The following TRAM1 variants were observed in gnomAD, a reference collection of about 807,000 sequenced individuals.
TRAM1 encodes the protein translocating chain-associated membrane protein 1.
TRAM1 carries 17 observed loss-of-function variants against 48.7 expected under a neutral mutation model. That is an observed-to-expected ratio of 0.35 (90% CI 0.24 to 0.52). TRAM1 has a LOEUF of 0.52. Among genes scored for constraint, TRAM1 ranks in the 20% least tolerant of loss-of-function variants. The probability of loss-of-function intolerance (pLI) is 0.94; values close to 1 mark genes in which losing one functional copy is unlikely to be tolerated. For synonymous variants in TRAM1, 182 were observed against 154.0 expected, an observed-to-expected ratio of 1.18 and a Z score of -1.34; for missense variants, 351 against 441.5, an observed-to-expected ratio of 0.79 and a Z score of 1.84.
chr8:70,605,026 A>C (rs1817690109), intron 1 of TRAM1, among the ~76,000 whole-genome samples: 1 of 152,222 alleles, frequency 6.6e-6, no homozygotes. Context: ...TTTTTGATTA[A>C]TGTGAAGTTC....
chr8:70,581,422 A>G (rs1346506413), intron 10 of TRAM1, among the ~76,000 whole-genome samples: 7 of 152,240 alleles, frequency 4.6e-5, no homozygotes, highest in Non-Finnish European at 2.9e-5. Context: ...TTTTCTTAAA[A>G]ATGATTTTTG....
At chr8:70,607,150 T>C (rs1220495804) in intron 1 of TRAM1, 3 of 985,128 alleles carry the variant, frequency 3.0e-6, no homozygotes, top group African/African-American at 3.5e-5. Context: ...AGCGTGTGTA[T>C]TGGGGAGCGA....
At chr8:70,597,668 CAAAAAAAAAA>C (rs35449323) in intron 4 of TRAM1, among the ~76,000 whole-genome samples, 2 of 35,986 alleles carry the variant, frequency 5.6e-5, no homozygotes, top group African/African-American at 2.3e-4. Context: ...GACTCTGTCT[CAAAAAAAAAA>C]AAAAAAAAAA....
chr8:70,600,475 G>T (rs1236792410), intron 1 of TRAM1, among the ~76,000 whole-genome samples: 1 of 152,166 alleles, frequency 6.6e-6, no homozygotes, highest in Non-Finnish European at 1.5e-5. Flanking sequence ...GAGAAAAGCA[G>T]ATCAAATATA....
chr8:70,575,815 G>A (rs1052531528), intron 10 of TRAM1, among the ~76,000 whole-genome samples: 30 of 151,900 alleles, frequency 2.0e-4, no homozygotes, highest in Non-Finnish European at 1.9e-4. Flanking sequence ...GGTGGCTCAC[G>A]CCTGTAATCC....
Position 70,587,414 on chromosome 8 carries a change from C to T in TRAM1, c.571-238G>A, listed in dbSNP as rs995873833. 88 of 450,220 alleles carry T rather than the reference C, an allele frequency of 2.0e-4. 2 individuals are homozygous for T. In the South Asian group the frequency reaches 2.5e-3, roughly 13 times the overall value. 27.9% of individuals were successfully genotyped at this position (450,220 alleles called of 1,614,324 possible). ...AGTAGGAGATCTGAAAGCTATTCTG[C>T]TCCCACCCCACCGCAATCTCTCATC... On this transcript the variant is annotated intron_variant, in intron 6 of 10. Coordinates refer to ENST00000262213, the MANE Select transcript of TRAM1 (RefSeq NM_014294.6).
chr8:70,608,189 C>T lies in TRAM1; in HGVS notation c.11G>A (p.Arg4His), dbSNP rs772102592. MAI[R>H]KKSTKSPPVL... Reference sequence around the variant, plus strand: ...TGGGGGGCTCTTGGTGCTTTTCTTGCGAATCGCCATGGTGGGGCCGCCGCC... The same window carrying T: ...TGGGGGGCTCTTGGTGCTTTTCTTGTGAATCGCCATGGTGGGGCCGCCGCC... The change falls in exon 1 of 11, where the codon CGC (arginine) becomes CAC (histidine). Residue 4 changes from arginine (R) to histidine (H), a missense_variant. Physicochemically the swap from Arg to His is conservative, Grantham distance 29. Transcript: ENST00000262213. 1 of 1,588,422 alleles carries T rather than the reference C, an allele frequency of 6.3e-7. No individual in the cohort carries two copies. The highest frequency in any genetic ancestry group is 1.1e-5 in the South Asian group (1 of 88,800).
At position 70,608,155 on chromosome 8, in the gene TRAM1, G is replaced by A. The variant is rs1817793071; in HGVS notation, c.45C>T (p.Ser15=). The A allele has an allele frequency of 3.8e-6, 6 of 1,599,252 alleles. No individual in the cohort carries two copies. The highest frequency in any genetic ancestry group is 2.7e-5 in the African/African-American group (2 of 72,980). ...CGTGATTCTGCAGGACGAATTCGTG[G>A]CTCAGCACTGGGGGGCTCTTGGTGC... ...KKSTKSPPVL[S]HEFVLQNHAD... The change falls in exon 1 of 11, where the codon AGC becomes AGT. Residue 15 remains serine, a synonymous_variant. Coordinates refer to ENST00000262213, the MANE Select transcript of TRAM1 (RefSeq NM_014294.6).
At chr8:70,576,067 T>C (rs1167879294) in intron 10 of TRAM1, among the ~76,000 whole-genome samples, 1 of 75,446 alleles carries the variant, frequency 1.3e-5, no homozygotes, top group Non-Finnish European at 2.6e-5. Flanking sequence ...CTAGACTCCA[T>C]CTAAAAAAAA....
rs533485758 is a variant in TRAM1, at chr8:70,602,425, G to A, written c.124-2343C>T. ...CACACAGGATAGAAAGAGAATAACGGATGGAGGCATATGACAGGGAACAAA... is the reference window on the plus strand; with the variant it reads ...CACACAGGATAGAAAGAGAATAACGAATGGAGGCATATGACAGGGAACAAA... On this transcript the variant is annotated intron_variant, in intron 1 of 10. Transcript: ENST00000262213. Among the ~76,000 whole-genome samples the A allele has an allele frequency of 2.0e-5, 3 of 152,322 alleles. No individual in the cohort carries two copies. In the South Asian group the frequency reaches 6.2e-4, roughly 32 times the overall value.
Position 70,587,113 on chromosome 8 carries a change from G to C in TRAM1, c.634C>G (p.Leu212Val), listed in dbSNP as rs777432383. 6.2e-7 allele frequency: 1 copy of C among 1,613,892 alleles called. No homozygotes were observed. The highest frequency in any genetic ancestry group is 1.3e-5 in the African/African-American group (1 of 75,016). The change falls in exon 7 of 11, where the codon CTT becomes GTT. Residue 212 changes from leucine to valine, a missense_variant. Coordinates refer to ENST00000262213, the MANE Select transcript of TRAM1 (RefSeq NM_014294.6). ...LYLFHIAGAY[L>V]LNLNHLGLVL... ...TGAAATATCCCAACTCACTTCAAAAGGTAAGCTCCAGCAATGTGGAAGAGG... is the reference window on the plus strand; with the variant it reads ...TGAAATATCCCAACTCACTTCAAAACGTAAGCTCCAGCAATGTGGAAGAGG...
intron 10 of TRAM1, among the ~76,000 whole-genome samples, chr8:70,579,661 T>G (rs1357355611): frequency 1.3e-5 from 2 of 152,204 alleles, no homozygotes; most frequent in African/African-American, 4.8e-5. Context: ...AAAGCATTTC[T>G]TAACATTCCA....
intron 1 of TRAM1, among the ~76,000 whole-genome samples, chr8:70,601,507 G>A (rs535427726): frequency 2.6e-5 from 4 of 152,060 alleles, no homozygotes; most frequent in Non-Finnish European, 4.4e-5. Context: ...TTTCTGTCTC[G>A]CCCATTAGAA....
chr8:70,600,047 A>G lies in TRAM1; in HGVS notation c.159T>C (p.Leu53=). The G allele has an allele frequency of 6.2e-7, 1 of 1,613,936 alleles. No homozygotes were observed. The highest frequency in any genetic ancestry group is 8.5e-7 in the Non-Finnish European group (1 of 1,179,874). ...TAKASIIFVT[L]QYNVTLPATE... ...TTGCTGGGAGGGTGACATTGTACTG[A>G]AGAGTAACAAAAATGATAGAAGCTT... Residue 53 remains leucine (L), a synonymous_variant, in exon 2 of 11, where the codon CTT becomes CTC. Coordinates refer to ENST00000262213, the MANE Select transcript of TRAM1 (RefSeq NM_014294.6).
At chr8:70,593,224 G>C (rs1019862236) in intron 6 of TRAM1, among the ~76,000 whole-genome samples, 9 of 151,978 alleles carry the variant, frequency 5.9e-5, no homozygotes, top group Non-Finnish European at 1.3e-4. Flanking sequence ...GACAACATGA[G>C]TAACGACAGA....
intron 2 of TRAM1, among the ~76,000 whole-genome samples, chr8:70,599,208 C>T (rs898667261): frequency 1.3e-5 from 2 of 152,136 alleles, no homozygotes; most frequent in Non-Finnish European, 2.9e-5. Flanking sequence ...CAGTGAGCTA[C>T]GATCACGCCA....
At chr8:70,596,701 T>C (rs918231592) in intron 4 of TRAM1, among the ~76,000 whole-genome samples, 2 of 151,930 alleles carry the variant, frequency 1.3e-5, no homozygotes, top group African/African-American at 4.8e-5. Context: ...GTTTGTAGCA[T>C]CTGACAGGAG....
intron 8 of TRAM1, among the ~76,000 whole-genome samples, chr8:70,584,506 G>A (rs184667326): frequency 2.6e-5 from 4 of 152,278 alleles, no homozygotes; most frequent in South Asian, 2.1e-4. Context: ...CCTGTTTGCC[G>A]ATGACATGAT....
chr8:70,581,173 C>T (rs1395198491), intron 10 of TRAM1, among the ~76,000 whole-genome samples: 1 of 152,132 alleles, frequency 6.6e-6, no homozygotes, highest in South Asian at 2.1e-4. Context: ...ATCCCTTGAG[C>T]CTACAAGTTC....
Sources: allele counts gnomAD v4.1 joint callset (sites outside exome capture counted in the v4.1 genomes callset), GRCh38; gene constraint gnomAD v4.1.1; transcripts MANE v1.5; gene names NCBI Gene and HGNC (gene_info 2026-07-23, HGNC 2026-07-21).